The following MARCHF1 variants were observed in gnomAD, a reference collection of about 807,000 sequenced individuals.
MARCHF1 encodes the protein membrane associated ring-CH-type finger 1.
In MARCHF1, 40 loss-of-function variants were observed where a neutral mutation model predicts 54.2. That is an observed-to-expected ratio of 0.74 (90% CI 0.57 to 0.96). MARCHF1 has a LOEUF of 0.96. MARCHF1 is among the 40% of genes least tolerant of loss of function. The pLI, the probability that MARCHF1 is intolerant of heterozygous loss-of-function variation, is 0.00. For missense variants in MARCHF1, 586 were observed against 656.5 expected (o/e 0.89, Z 1.17); for synonymous variants, 236 against 236.3 (o/e 1.00, Z 0.01).
At chr4:163,941,481 T>G (rs890834139) in intron 3 of MARCHF1, among the ~76,000 whole-genome samples, 2 of 152,172 alleles carry the variant, frequency 1.3e-5, no homozygotes, top group Non-Finnish European at 2.9e-5. Flanking sequence ...GTAGGTTAAA[T>G]AGAAGTAAAG....
intron 3 of MARCHF1, among the ~76,000 whole-genome samples, chr4:163,889,870 C>T (rs1371773848): frequency 6.7e-6 from 1 of 149,302 alleles, no homozygotes; most frequent in African/African-American, 2.5e-5. Flanking sequence ...AAAAAAATCT[C>T]AATAATAAAT....
At chr4:163,756,014 G>T (rs1332778912) in intron 4 of MARCHF1, among the ~76,000 whole-genome samples, 3 of 152,130 alleles carry the variant, frequency 2.0e-5, no homozygotes. Flanking sequence ...TATATAATTT[G>T]ACCTTGCCCT....
intron 3 of MARCHF1, among the ~76,000 whole-genome samples, chr4:163,860,196 G>C (rs772637506): frequency 6.6e-6 from 1 of 152,138 alleles, no homozygotes; most frequent in Non-Finnish European, 1.5e-5. Context: ...GAAGTTGATG[G>C]AGCCCTAACG....
At chr4:164,346,635 T>C (rs1730111484) in intron 1 of MARCHF1, among the ~76,000 whole-genome samples, 3 of 21,836 alleles carry the variant, frequency 1.4e-4, no homozygotes, top group Non-Finnish European at 2.6e-4. Flanking sequence ...TATATATATA[T>C]ATATATATAT....
At chr4:164,366,280 T>A (rs1192380309) in intron 1 of MARCHF1, among the ~76,000 whole-genome samples, 2 of 152,038 alleles carry the variant, frequency 1.3e-5, no homozygotes, top group Non-Finnish European at 2.9e-5. Flanking sequence ...TAGTAATGAA[T>A]TGTGGCTAGG....
At chr4:163,669,761 G>T (rs1021868284) in intron 5 of MARCHF1, among the ~76,000 whole-genome samples, 1 of 152,030 alleles carries the variant, frequency 6.6e-6, no homozygotes, top group Admixed American at 6.6e-5. Context: ...ACCATACCTG[G>T]CTAATTTTTG....
intron 5 of MARCHF1, 69 bp downstream of exon 5, chr4:163,700,744 A>G (rs1744786718): frequency 1.7e-6 from 2 of 1,163,656 alleles, no homozygotes. Flanking sequence ...TAGGTTAAAC[A>G]TTATAAACAT....
chr4:163,928,407 A>C (rs1313340426), intron 3 of MARCHF1, among the ~76,000 whole-genome samples: 1 of 151,958 alleles, frequency 6.6e-6, no homozygotes, highest in Non-Finnish European at 1.5e-5. Flanking sequence ...ATAGGGAAGA[A>C]GAGCTAGGCG....
intron 2 of MARCHF1, among the ~76,000 whole-genome samples, chr4:164,020,501 T>G (rs962813256): frequency 7.2e-5 from 11 of 152,240 alleles, no homozygotes; most frequent in Non-Finnish European, 1.2e-4. Context: ...CTGAGAAGTC[T>G]GCTTACTTTG....
chr4:163,546,487 CTA>C (rs1416692217), intron 8 of MARCHF1, among the ~76,000 whole-genome samples: 1 of 152,176 alleles, frequency 6.6e-6, no homozygotes, highest in Non-Finnish European at 1.5e-5. Flanking sequence ...ATAGGTAACA[CTA>C]TCTTCTTGGA....
At chr4:163,543,311 C>G (rs1011173202) in intron 9 of MARCHF1, among the ~76,000 whole-genome samples, 21 of 151,792 alleles carry the variant, frequency 1.4e-4, no homozygotes, top group African/African-American at 4.6e-4. Context: ...AAGAAATGGA[C>G]AGATTCCAGA....
At chr4:163,792,206 A>C (rs1747791102) in intron 4 of MARCHF1, among the ~76,000 whole-genome samples, 1 of 152,204 alleles carries the variant, frequency 6.6e-6, no homozygotes, top group African/African-American at 2.4e-5. Flanking sequence ...GTCTATCACA[A>C]AGGAATTCTC....
intron 5 of MARCHF1, among the ~76,000 whole-genome samples, chr4:163,630,186 C>G (rs912174628): frequency 6.6e-6 from 1 of 152,072 alleles, no homozygotes; most frequent in Admixed American, 6.6e-5. Context: ...CTGTAAATAA[C>G]CAAGATCTTC....
rs573149060 is a variant in MARCHF1, at chr4:164,100,930, C to T, written c.-248+10658G>A. 6.2e-3 allele frequency among the ~76,000 whole-genome samples: 945 copies of T among 152,300 alleles called. 17 individuals are homozygous for T. Among genetic ancestry groups the T allele is most frequent in the African/African-American group, 0.021 (864 of 41,570 alleles). On this transcript the variant is annotated intron_variant, in intron 2 of 9. Transcript: ENST00000514618. ...GCACAGTGCGCGAGCCGAAGTAGGGCGAGGCATTGCCTCACTTGGGAAGCG... is the reference window on the plus strand; with the variant it reads ...GCACAGTGCGCGAGCCGAAGTAGGGTGAGGCATTGCCTCACTTGGGAAGCG...
rs1738244710 is a variant in MARCHF1, at chr4:163,528,908, A to G, written c.1478T>C (p.Phe493Ser). 6.2e-7 allele frequency: 1 copy of G among 1,613,408 alleles called. No individual in the cohort carries two copies. Among genetic ancestry groups the G allele is most frequent in the Non-Finnish European group, 8.5e-7 (1 of 1,179,588 alleles). Reference sequence around the variant, plus strand: ...GGCAGTGTCTGGGCAATTTTGTACAAAGATCACACGGTTGTAGGCCTTCAG... The same window carrying G: ...GGCAGTGTCTGGGCAATTTTGTACAGAGATCACACGGTTGTAGGCCTTCAG... ...RRLKAYNRVI[F>S]VQNCPDTAKK... Residue 493 changes from phenylalanine (F) to serine (S), a missense_variant, in exon 10 of 10, where the codon TTT becomes TCT. Transcript: ENST00000514618.
intron 1 of MARCHF1, among the ~76,000 whole-genome samples, chr4:164,126,600 A>G (rs528538179): frequency 6.6e-6 from 1 of 152,322 alleles, no homozygotes; most frequent in Admixed American, 6.5e-5. Context: ...ACGTTGTAGA[A>G]AAACCCTACC....
At chr4:163,764,023 C>A (rs939369147) in intron 4 of MARCHF1, among the ~76,000 whole-genome samples, 8 of 152,032 alleles carry the variant, frequency 5.3e-5, no homozygotes, top group Non-Finnish European at 1.0e-4. Context: ...TACACCACTG[C>A]AGGCAGCTAA....
At chr4:163,979,430 A>C (rs1241706868) in intron 3 of MARCHF1, among the ~76,000 whole-genome samples, 2 of 143,752 alleles carry the variant, frequency 1.4e-5, no homozygotes, top group Non-Finnish European at 3.0e-5. Context: ...ATTGTTGGAC[A>C]TTTGGGTTGG....
At chr4:163,784,539 A>G (rs1390049690) in intron 4 of MARCHF1, among the ~76,000 whole-genome samples, 2 of 152,130 alleles carry the variant, frequency 1.3e-5, no homozygotes, top group Non-Finnish European at 2.9e-5. Context: ...TTTGTCATGG[A>G]GCACCAGGAC....
Sources: gnomAD v4.1 joint callset for allele counts (sites outside exome capture counted in the v4.1 genomes callset) on GRCh38, gnomAD v4.1.1 for gene constraint, MANE v1.5 for transcripts, NCBI Gene and HGNC (gene_info 2026-07-23, HGNC 2026-07-21) for gene names.